The following TEX11 variants were observed in gnomAD, a reference collection of about 807,000 sequenced individuals.
TEX11 encodes the protein testis-expressed protein 11.
A neutral mutation model predicts 84.4 loss-of-function variants in TEX11; 7 were observed. That is an observed-to-expected ratio of 0.08 (90% confidence interval 0.05 to 0.16). The LOEUF (loss-of-function observed/expected upper bound fraction) is 0.16. TEX11 is among the 10% of genes least tolerant of loss of function. The pLI, the probability that TEX11 is intolerant of heterozygous loss-of-function variation, is 1.00. For missense variants in TEX11, 551 were observed against 660.5 expected (o/e 0.83, Z 1.82); for synonymous variants, 264 against 222.8 (o/e 1.18, Z -1.64).
intron 13 of TEX11, among the ~76,000 whole-genome samples, chrX:70,713,047 A>G (rs1187732521): frequency 8.9e-6 from 1 of 111,898 alleles, no homozygotes. Flanking sequence ...TATTGAGATA[A>G]TCATGTGGTT....
At chrX:70,606,360 C>T (rs1332689490) in intron 23 of TEX11, among the ~76,000 whole-genome samples, 1 of 111,903 alleles carries the variant, frequency 8.9e-6, no homozygotes, top group Non-Finnish European at 1.9e-5. Flanking sequence ...ATTCTTTAGT[C>T]CTTCTCCTTT....
intron 9 of TEX11, among the ~76,000 whole-genome samples, chrX:70,749,799 T>C (rs1374310876): frequency 2.8e-5 from 3 of 108,951 alleles, no homozygotes; most frequent in African/African-American, 1.0e-4. Context: ...ATAAGCTTTT[T>C]GATGTGCTGC....
intron 7 of TEX11, among the ~76,000 whole-genome samples, chrX:70,850,544 A>G (rs755004458): frequency 8.7e-5 from 9 of 103,660 alleles, no homozygotes; most frequent in Non-Finnish European, 1.8e-4. Context: ...GAGTTCAAGA[A>G]CAGCCTAGAC....
chrX:70,629,825 C>G (rs951813144), intron 17 of TEX11, 90 bp from the exon 18 acceptor site: 8 of 692,384 alleles, frequency 1.2e-5, no homozygotes, highest in Non-Finnish European at 1.0e-5. Context: ...GAATTTGGAA[C>G]TTATTTTAAG....
At chrX:70,600,543 C>T (rs189206793) in intron 24 of TEX11, among the ~76,000 whole-genome samples, 2 of 110,138 alleles carry the variant, frequency 1.8e-5, no homozygotes, top group Admixed American at 9.7e-5. Context: ...GAACTCTCCA[C>T]CCCAAATCAA....
intron 5 of TEX11, among the ~76,000 whole-genome samples, chrX:70,859,158 G>A (rs2091554509): frequency 9.0e-6 from 1 of 111,259 alleles, no homozygotes; most frequent in Admixed American, 9.6e-5. Flanking sequence ...ATGGGTAAAT[G>A]GAGGGAATCA....
At position 70,876,024 on chromosome X, in the gene TEX11, A is replaced by G. The variant is rs188095402; in HGVS notation, c.160-2717T>C. On this transcript the variant is annotated intron_variant, in intron 3 of 29. Transcript: ENST00000374333. ...TTTTAAAATGCACCCAAAAAATAAG[A>G]TGCGCTAATGGACAAATGTATATGT... Among the ~76,000 whole-genome samples the G allele has an allele frequency of 3.7e-3, 416 of 112,139 alleles. 3 individuals carry two copies. Among genetic ancestry groups the G allele is most frequent in the Non-Finnish European group, 6.1e-3 (323 of 53,218 alleles).
intron 13 of TEX11, among the ~76,000 whole-genome samples, chrX:70,710,877 T>C (rs1019027523): frequency 9.0e-6 from 1 of 110,753 alleles, no homozygotes; most frequent in Non-Finnish European, 1.9e-5. Context: ...CATGTTGGTG[T>C]GCCGCACCCA....
At chrX:70,673,442 A>G (rs1031430871) in intron 15 of TEX11, 1 of 111,847 alleles carries the variant, frequency 8.9e-6, no homozygotes, top group Non-Finnish European at 1.9e-5. Flanking sequence ...ATTTTGAATG[A>G]TAAACTTCTT....
At chrX:70,557,059 A>G (rs747855137) in intron 25 of TEX11, among the ~76,000 whole-genome samples, 3 of 109,868 alleles carry the variant, frequency 2.7e-5, no homozygotes, top group Non-Finnish European at 5.7e-5. Context: ...TGGCCTCCCA[A>G]AGTGAGCCAC....
Position 70,852,925 on chromosome X carries a change from T to C in TEX11, c.525+109A>G, listed in dbSNP as rs2091516556. On this transcript the variant is annotated intron_variant, in intron 7 of 29. Coordinates refer to ENST00000374333, the MANE Select transcript of TEX11 (RefSeq NM_031276.3). ...ATAAAAAGGTCAAATTAATATCCTA[T>C]AAAAGGCCAGTGACATCTGACTTTC... 2.3e-5 allele frequency: 17 copies of C among 750,641 alleles called. No individual in the cohort carries two copies. The South Asian group carries it at 4.4e-4, about 19-fold the overall frequency. 61.9% of individuals were successfully genotyped at this position (750,641 alleles called of 1,213,427 possible).
chrX:70,612,393 G>A (rs1166714460), intron 20 of TEX11, among the ~76,000 whole-genome samples: 2 of 111,497 alleles, frequency 1.8e-5, no homozygotes, highest in Non-Finnish European at 3.8e-5. Flanking sequence ...AATTGATCAC[G>A]ATTATGATAA....
intron 4 of TEX11, among the ~76,000 whole-genome samples, chrX:70,870,327 T>C (rs937103060): frequency 9.0e-6 from 1 of 110,580 alleles, no homozygotes; most frequent in Non-Finnish European, 1.9e-5. Context: ...CTAATAAATA[T>C]CCTGTAGAAT....
chrX:70,588,942 A>G (rs2088890307), intron 25 of TEX11, among the ~76,000 whole-genome samples: 1 of 109,774 alleles, frequency 9.1e-6, no homozygotes, highest in Non-Finnish European at 1.9e-5. Flanking sequence ...CAAAAAAAAA[A>G]AAAAAGAAAG....
At chrX:70,523,691 C>T in the TEX11 span, among the ~76,000 whole-genome samples, 1 of 109,030 alleles carries the variant, frequency 9.2e-6, no homozygotes, top group Admixed American at 9.9e-5. Context: ...GTCTTGATCT[C>T]CTGACCTCGT....
chrX:70,616,240 T>C (rs770112314), intron 20 of TEX11, among the ~76,000 whole-genome samples: 11 of 111,390 alleles, frequency 9.9e-5, no homozygotes. Context: ...TTTCAAGACA[T>C]AGACAGTATA....
intron 25 of TEX11, among the ~76,000 whole-genome samples, chrX:70,555,689 T>G (rs200000542): frequency 1.8e-5 from 2 of 112,424 alleles, no homozygotes; most frequent in African/African-American, 6.4e-5. Context: ...TCTCATAAGA[T>G]GAACTGGGAA....
At chrX:70,842,878 A>C (rs2091455258) in intron 7 of TEX11, among the ~76,000 whole-genome samples, 1 of 111,667 alleles carries the variant, frequency 9.0e-6, no homozygotes, top group Admixed American at 9.6e-5. Context: ...TCCCATTCAC[A>C]ATTGCTTCAA....
intron 8 of TEX11, among the ~76,000 whole-genome samples, chrX:70,812,056 T>C (rs1485577039): frequency 2.7e-5 from 3 of 111,672 alleles, no homozygotes; most frequent in Non-Finnish European, 3.8e-5. Flanking sequence ...CAGTTTTGGC[T>C]TTTGTTGCCA....
Sources: allele counts gnomAD v4.1 joint callset (sites outside exome capture counted in the v4.1 genomes callset), GRCh38; gene constraint gnomAD v4.1.1; transcripts MANE v1.5; gene names NCBI Gene and HGNC (gene_info 2026-07-23, HGNC 2026-07-21).